Variants in PRODH observed in about 807,000 individuals in gnomAD.
The protein encoded by PRODH is proline dehydrogenase 1.
For synonymous variants in PRODH, 3 were observed against 10.4 expected (o/e 0.29, Z 1.37); for missense variants, 3 against 24.1 (o/e 0.12, Z 1.83).
intron 11 of PRODH, among the ~76,000 whole-genome samples, chr22:18,917,482 A>G (rs455135): frequency 0.06 from 2,003 of 33,434 alleles, 653 homozygotes; most frequent in East Asian, 0.3. Flanking sequence ...GCTTGACCAC[A>G]CGCACGTTCT....
At chr22:18,933,507 T>C (rs1445394424) in intron 1 of PRODH, among the ~76,000 whole-genome samples, 1 of 142,382 alleles carries the variant, frequency 7.0e-6, no homozygotes, top group Admixed American at 7.1e-5. Flanking sequence ...AACTCCTGAC[T>C]TCAGGTGATC....
rs1459515974 is a variant in PRODH, at chr22:18,913,758, T to C, written c.1527-232A>G. 2 of 73,140 alleles carry C rather than the reference T, an allele frequency of 2.7e-5. 1 individual carries two copies. Among genetic ancestry groups the C allele is most frequent in the Non-Finnish European group, 5.5e-5 (2 of 36,426 alleles). 4.5% of individuals were successfully genotyped at this position (73,140 alleles called of 1,614,324 possible). On this transcript the variant is annotated intron_variant, in intron 12 of 13. Transcript: ENST00000357068. ...TGCTGGGCTGCCCTACTCGTCTCCCTGGGGAGGCCTCAGCCCTTGGCCAAC... is the reference window on the plus strand; with the variant it reads ...TGCTGGGCTGCCCTACTCGTCTCCCCGGGGAGGCCTCAGCCCTTGGCCAAC...
intron 1 of PRODH, among the ~76,000 whole-genome samples, chr22:18,933,369 A>G (rs2081999964): frequency 6.7e-6 from 1 of 149,966 alleles, no homozygotes; most frequent in African/African-American, 2.4e-5. Flanking sequence ...TCCACCTCCC[A>G]GGTTCAAGCG....
Position 18,933,819 on chromosome 22 carries a change from A to ATG in PRODH, c.273+2195_273+2196insCA, listed in dbSNP as rs572338090. On this transcript the variant is annotated intron_variant, in intron 1 of 13. Coordinates refer to ENST00000357068, the MANE Select transcript of PRODH (RefSeq NM_016335.6). ...ATGTCCCCGCATGGCACTACCTGAG[A>ATG]CCAGGGCAGCCCCACATCTTCTTCA... Among the ~76,000 whole-genome samples, 176 of 106,472 alleles carry ATG rather than the reference A, an allele frequency of 1.7e-3. 8 individuals carry two copies. The South Asian group carries it at 0.046, about 28-fold the overall frequency. 69.8% of individuals were successfully genotyped at this position (106,472 alleles called of 152,430 possible).
rs140831950 is a variant in PRODH at position 18,918,415 on chromosome 22, C to T, written c.1328G>A (p.Arg443Gln). 2.0e-4 allele frequency: 42 copies of T among 205,676 alleles called. 3 individuals are homozygous for T. The highest frequency in any genetic ancestry group is 1.4e-3 in the South Asian group (29 of 20,254). The allele number at this position is 205,676 out of a possible 1,614,324, so 12.7% of individuals were successfully genotyped here. ...EGWCFGAKLV[R>Q]GAYLAQERAR... ...TCGCTCCTGGGCCAGGTATGCGCCCCGCACCAGCTTGGCCCCAAAACACCA... is the reference window on the plus strand; with the variant it reads ...TCGCTCCTGGGCCAGGTATGCGCCCTGCACCAGCTTGGCCCCAAAACACCA... The change falls in exon 11 of 14, where the codon CGG becomes CAG. Residue 443 changes from arginine (R) to glutamine (Q), a missense_variant. Coordinates refer to ENST00000357068, the MANE Select transcript of PRODH (RefSeq NM_016335.6).
At chr22:18,916,809 T>C (rs2146207925) in intron 12 of PRODH, 81 bp downstream of exon 12, 1 of 101,764 alleles carries the variant, frequency 9.8e-6, no homozygotes, top group South Asian at 1.1e-4. Flanking sequence ...CACCCTGAGC[T>C]CTGCGCTGCT....
Position 18,917,625 on chromosome 22 carries a change from A to G in PRODH, c.1428-637T>C, listed in dbSNP as rs984409962. 1.9e-4 allele frequency among the ~76,000 whole-genome samples: 6 copies of G among 32,288 alleles called. 2 individuals are homozygous for G. Among genetic ancestry groups the G allele is most frequent in the African/African-American group, 3.2e-4 (6 of 18,710 alleles). 21.2% of individuals were successfully genotyped at this position (32,288 alleles called of 152,430 possible). On this transcript the variant is annotated intron_variant, in intron 11 of 13. Transcript: ENST00000357068. Reference sequence around the variant, plus strand: ...GTCCATTACAATAACCAGACTAAAAACCAATAAGATCAAAGATGCTGGACA... The same window carrying G: ...GTCCATTACAATAACCAGACTAAAAGCCAATAAGATCAAAGATGCTGGACA...
chr22:18,917,727 C>T (rs578215035), intron 11 of PRODH, among the ~76,000 whole-genome samples: 1 of 33,516 alleles, frequency 3.0e-5, no homozygotes, highest in Admixed American at 4.8e-4. Flanking sequence ...AGATGGAACG[C>T]GAAATGAAAA....
intron 11 of PRODH, among the ~76,000 whole-genome samples, chr22:18,918,087 G>C (rs1568991788): frequency 8.6e-6 from 1 of 116,054 alleles, no homozygotes; most frequent in Non-Finnish European, 2.0e-5. Context: ...GCAGGAGCAA[G>C]CTCAGGGAAC....
chr22:18,917,814 C>T lies in PRODH; in HGVS notation c.1427+502G>A, dbSNP rs2081939249. Among the ~76,000 whole-genome samples, 2 of 31,550 alleles carry T rather than the reference C, an allele frequency of 6.3e-5. 1 individual carries two copies. Among genetic ancestry groups the T allele is most frequent in the African/African-American group, 1.1e-4 (2 of 18,548 alleles). 20.7% of individuals were successfully genotyped at this position (31,550 alleles called of 152,430 possible). On this transcript the variant is annotated intron_variant, in intron 11 of 13. Coordinates refer to ENST00000357068, the MANE Select transcript of PRODH (RefSeq NM_016335.6). Reference sequence around the variant, plus strand: ...GTGCGCTGTGGCACGACATGCACAGCGGCTGCAGGAGGGGAGCTGGAGCCA... The same window carrying T: ...GTGCGCTGTGGCACGACATGCACAGTGGCTGCAGGAGGGGAGCTGGAGCCA...
rs2146208724 is a variant in PRODH, at chr22:18,917,722, G to T, written c.1427+594C>A. ...AAGCCCACACAAGAGGACCCAGATG[G>T]AACGCGAAATGAAAAACACATCGGG... On this transcript the variant is annotated intron_variant, in intron 11 of 13. Transcript: ENST00000357068. Among the ~76,000 whole-genome samples, 2 of 33,796 alleles carry T rather than the reference G, an allele frequency of 5.9e-5. 1 individual carries two copies. Among genetic ancestry groups the T allele is most frequent in the Non-Finnish European group, 2.4e-4 (2 of 8,308 alleles). 22.2% of individuals were successfully genotyped at this position (33,796 alleles called of 152,430 possible). A position where few individuals can be genotyped will look rare whatever the true frequency, so the allele number is the denominator to read the frequency against.
chr22:18,917,500 C>G (rs1353308419), intron 11 of PRODH, among the ~76,000 whole-genome samples: 1 of 33,450 alleles, frequency 3.0e-5, no homozygotes, highest in African/African-American at 5.1e-5. Context: ...TCTCTCTGAC[C>G]CAGCAATTCC....
chr22:18,914,260 T>C (rs1482042369), intron 12 of PRODH: 1 of 33,104 alleles, frequency 3.0e-5, no homozygotes, highest in African/African-American at 5.1e-5. Flanking sequence ...TCCTTTAACG[T>C]AGCTACTAAA....
Position 18,918,308 on chromosome 22 carries a change from C to A in PRODH, c.1427+8G>T, listed in dbSNP as rs765272958. 7.6e-6 allele frequency: 1 copy of A among 131,730 alleles called. No homozygotes were observed. Among genetic ancestry groups the A allele is most frequent in the South Asian group, 8.8e-5 (1 of 11,418 alleles). The allele number at this position is 131,730 out of a possible 1,614,324, so 8.2% of individuals were successfully genotyped here. ...CTGAGAAGACAGAGGGGTGGGAGAG[C>A]TGCGCACCTGTGGTACATGGCGTTG... On this transcript the variant is annotated splice_region_variant and intron_variant, in intron 11 of 13. Coordinates refer to ENST00000357068, the MANE Select transcript of PRODH (RefSeq NM_016335.6).
In PRODH at chr22:18,918,421, A is replaced by G. The variant is rs2904551; in HGVS notation, c.1322T>C (p.Leu441Pro). Residue 441 changes from leucine (L) to proline (P), a missense_variant, in exon 11 of 14, where the codon CTG becomes CCG. Transcript: ENST00000357068. ...CTGGGCCAGGTATGCGCCCCGCACCAGCTTGGCCCCAAAACACCAGCCCTC... is the reference window on the plus strand; with the variant it reads ...CTGGGCCAGGTATGCGCCCCGCACCGGCTTGGCCCCAAAACACCAGCCCTC... ...RREGWCFGAK[L>P]VRGAYLAQER... The G allele has an allele frequency of 3.8e-3, 777 of 202,168 alleles. 50 individuals are homozygous for G. The highest frequency in any genetic ancestry group is 0.01 in the Middle Eastern group (11 of 1,080). The allele number at this position is 202,168 out of a possible 1,614,324, so 12.5% of individuals were successfully genotyped here.
chr22:18,918,203 G>A (rs2081941594), intron 11 of PRODH, 113 bp downstream of exon 11: 2 of 213,614 alleles, frequency 9.4e-6, no homozygotes, highest in Non-Finnish European at 2.0e-5. Context: ...GGAAATACCA[G>A]TTCTGACCTG....
Position 18,918,394 on chromosome 22 carries a change from T to C in PRODH, c.1349A>G (p.Glu450Gly), listed in dbSNP as rs1241359038. ...KLVRGAYLAQ[E>G]RARAAEIGYE... ...GCCGATCTCTGCCGCACGGGCTCGC[T>C]CCTGGGCCAGGTATGCGCCCCGCAC... Residue 450 changes from glutamate to glycine, a missense_variant, in exon 11 of 14, where the codon GAG becomes GGG. Coordinates refer to ENST00000357068, the MANE Select transcript of PRODH (RefSeq NM_016335.6). 4.4e-6 allele frequency: 1 copy of C among 226,188 alleles called. No individual in the cohort carries two copies. Among genetic ancestry groups the C allele is most frequent in the East Asian group, 3.8e-5 (1 of 26,178 alleles). The allele number at this position is 226,188 out of a possible 1,614,324, so 14.0% of individuals were successfully genotyped here.
In PRODH at chr22:18,917,236, G is replaced by A. The variant is rs8143003; in HGVS notation, c.1428-248C>T. ...CCAGACAATTCACGCAGAACCAGCT[G>A]TGGGGGCAGAGTCCCTGCATCAAAC... On this transcript the variant is annotated intron_variant, in intron 11 of 13. Transcript: ENST00000357068. 0.091 allele frequency among the ~76,000 whole-genome samples: 3,240 copies of A among 35,686 alleles called. 1,229 individuals are homozygous for A. Among genetic ancestry groups the A allele is most frequent in the East Asian group, 0.37 (278 of 754 alleles). The allele number at this position is 35,686 out of a possible 152,430, so 23.4% of individuals were successfully genotyped here.
At position 18,918,507 on chromosome 22, in the gene PRODH, CA is replaced by C; in HGVS notation, c.1252-17del. On this transcript the variant is annotated splice_polypyrimidine_tract_variant and intron_variant, in intron 10 of 13. Transcript: ENST00000357068. Reference sequence around the variant, plus strand: ...CATAGGCATCCTGTGGGGCCAGGGCCAAAAGTCACAGGGAGCCTGGGCAAGC... The same window carrying C: ...CATAGGCATCCTGTGGGGCCAGGGCCAAAGTCACAGGGAGCCTGGGCAAGC... The C allele has an allele frequency of 1.0e-5, 1 of 98,632 alleles. No individual in the cohort carries two copies. Among genetic ancestry groups the C allele is most frequent in the Admixed American group, 1.7e-4 (1 of 5,740 alleles). The allele number at this position is 98,632 out of a possible 1,614,324, so 6.1% of individuals were successfully genotyped here.
Sources: gnomAD v4.1 joint callset for allele counts (sites outside exome capture counted in the v4.1 genomes callset) on GRCh38, gnomAD v4.1.1 for gene constraint, MANE v1.5 for transcripts, NCBI Gene and HGNC (gene_info 2026-07-23, HGNC 2026-07-21) for gene names.